MYO3A: variants seen among roughly 807,000 people sequenced by gnomAD.
MYO3A encodes myosin-IIIa.
MYO3A carries 180 observed loss-of-function variants against 192.7 expected under a neutral mutation model. The ratio of observed to expected loss-of-function variants is 0.93; its 90% CI spans 0.83 to 1.06. The LOEUF (loss-of-function observed/expected upper bound fraction) is 1.06, where lower values mean the gene tolerates loss of function less well. Ranked by LOEUF, MYO3A falls within the 50% of genes least tolerant of loss-of-function variation. The probability of loss-of-function intolerance (pLI) is 0.00; values close to 1 mark genes in which losing one functional copy is unlikely to be tolerated. For synonymous variants in MYO3A, 628 were observed against 645.3 expected (o/e 0.97, Z 0.41); for missense variants, 1,896 against 1,905.0 (o/e 1.00, Z 0.09).
At position 26,170,490 on chromosome 10, in the gene MYO3A, C is replaced by G. The variant is rs1170704139; in HGVS notation, c.3349C>G (p.Gln1117Glu). The change falls in exon 29 of 35, where the codon CAA (glutamine) becomes GAA (glutamate). Residue 1117 changes from glutamine to glutamate, a missense_variant. Transcript: ENST00000642920. ...GAAAAACACAGCAGTAACAACCATT[C>G]AAACTTCTGATCAGGAATTCGACTA... ...DMKNTAVTTI[Q>E]TSDQEFDYKK... 6.2e-7 allele frequency: 1 copy of G among 1,613,044 alleles called. No homozygotes were observed. The highest frequency in any genetic ancestry group is 1.3e-5 in the African/African-American group (1 of 74,888).
chr10:26,135,190 A>G (rs1839775073), intron 20 of MYO3A, among the ~76,000 whole-genome samples: 1 of 152,172 alleles, frequency 6.6e-6, no homozygotes, highest in South Asian at 2.1e-4. Context: ...TTTTCTCATG[A>G]ACAAACAAGT....
chr10:25,977,154 T>C (rs1225456099), intron 4 of MYO3A, among the ~76,000 whole-genome samples: 1 of 152,196 alleles, frequency 6.6e-6, no homozygotes, highest in Non-Finnish European at 1.5e-5. Flanking sequence ...GGAGGTTCTT[T>C]AGGAAGATTT....
intron 17 of MYO3A, among the ~76,000 whole-genome samples, chr10:26,101,217 A>ACC (rs1564549432): frequency 6.6e-6 from 1 of 151,988 alleles, no homozygotes; most frequent in African/African-American, 2.4e-5. Context: ...TAGGATTGCA[A>ACC]CCCCTGCATT....
chr10:26,155,347 G>A (rs756113497), intron 25 of MYO3A, among the ~76,000 whole-genome samples: 17 of 152,136 alleles, frequency 1.1e-4, no homozygotes, highest in Admixed American at 5.2e-4. Context: ...GGATCAAGGC[G>A]ACCTTCCTTC....
chr10:26,122,176 T>C (rs1241648627), intron 18 of MYO3A, among the ~76,000 whole-genome samples: 1 of 152,192 alleles, frequency 6.6e-6, no homozygotes, highest in Non-Finnish European at 1.5e-5. Context: ...GCAATAGAGA[T>C]AGGTTGTAGA....
chr10:25,969,955 A>G (rs1838513913), intron 4 of MYO3A, among the ~76,000 whole-genome samples: 1 of 152,152 alleles, frequency 6.6e-6, no homozygotes, highest in African/African-American at 2.4e-5. Flanking sequence ...CAGTATAATC[A>G]GAGACAGATG....
Position 26,212,388 on chromosome 10 carries a change from C to G in MYO3A, c.*425C>G, listed in dbSNP as rs1844268594. 6.1e-6 allele frequency: 2 copies of G among 328,216 alleles called. No individual in the cohort carries two copies. The highest frequency in any genetic ancestry group is 5.5e-6 in the Non-Finnish European group (1 of 182,746). The allele number at this position is 328,216 out of a possible 1,614,324, so 20.3% of individuals were successfully genotyped here. On this transcript the variant is annotated 3_prime_UTR_variant, in exon 35 of 35. Coordinates refer to ENST00000642920, the MANE Select transcript of MYO3A (RefSeq NM_017433.5). The stretch of plus-strand genomic sequence containing the variant: ...ATTGGAAACGGCTTTTCTTGGCCAA[C>G]AGAACACTTGCTAGCGGTTGAATCT...
chr10:26,037,744 C>T (rs975462750), intron 10 of MYO3A, among the ~76,000 whole-genome samples: 1 of 152,120 alleles, frequency 6.6e-6, no homozygotes, highest in African/African-American at 2.4e-5. Flanking sequence ...CTGGGGAGAC[C>T]TCAGGAGACT....
intron 4 of MYO3A, among the ~76,000 whole-genome samples, chr10:25,957,106 C>T (rs967965756): frequency 6.6e-6 from 1 of 152,164 alleles, no homozygotes. Flanking sequence ...GTATATGTAC[C>T]ACATTTTCTT....
At chr10:26,166,032 A>G in intron 26 of MYO3A, 35 bp from the exon 27 acceptor site, 1 of 1,552,780 alleles carries the variant, frequency 6.4e-7, no homozygotes, top group Non-Finnish European at 8.9e-7. Flanking sequence ...TTGGCACTTT[A>G]TGCAATACTA....
chr10:26,181,490 C>G (rs957047773), intron 31 of MYO3A, among the ~76,000 whole-genome samples: 1 of 152,020 alleles, frequency 6.6e-6, no homozygotes, highest in Non-Finnish European at 1.5e-5. Flanking sequence ...GTAGAAAGAG[C>G]TCTTTATAAA....
Position 26,068,521 on chromosome 10 carries a change from C to T in MYO3A, c.1054-247C>T, listed in dbSNP as rs12774889. ...TTATATATTTAAAATTCCTGTGACA[C>T]ATAATATGTCCTTTGGAAAATGCAG... On this transcript the variant is annotated intron_variant, in intron 11 of 34. Transcript: ENST00000642920. 0.47 allele frequency among the ~76,000 whole-genome samples: 72,121 copies of T among 151,854 alleles called. 17,919 individuals carry two copies. Among genetic ancestry groups the T allele is most frequent in the Middle Eastern group, 0.59 (173 of 294 alleles).
At chr10:26,186,846 C>G (rs561970779) in intron 31 of MYO3A, among the ~76,000 whole-genome samples, 1 of 152,142 alleles carries the variant, frequency 6.6e-6, no homozygotes, top group South Asian at 2.1e-4. Flanking sequence ...TGTCTTTTGA[C>G]TTTGTTGCCA....
At chr10:26,089,665 G>A (rs1003009995) in intron 15 of MYO3A, among the ~76,000 whole-genome samples, 10 of 151,706 alleles carry the variant, frequency 6.6e-5, no homozygotes, top group East Asian at 1.9e-4. Flanking sequence ...GTACCACACC[G>A]TTTTAATCCA....
chr10:26,043,423 G>A (rs1268724078), intron 10 of MYO3A, among the ~76,000 whole-genome samples: 1 of 152,098 alleles, frequency 6.6e-6, no homozygotes, highest in African/African-American at 2.4e-5. Flanking sequence ...CTCAGGCCCT[G>A]GGTAGGTCCA....
chr10:26,209,337 A>G (rs891540670), intron 34 of MYO3A, among the ~76,000 whole-genome samples: 6 of 152,192 alleles, frequency 3.9e-5, no homozygotes, highest in Non-Finnish European at 8.8e-5. Flanking sequence ...ATTTCTGGCA[A>G]TTAGTGAACA....
At chr10:26,025,283 C>T (rs137890317) in intron 9 of MYO3A, among the ~76,000 whole-genome samples, 507 of 151,946 alleles carry the variant, frequency 3.3e-3, no homozygotes, top group Non-Finnish European at 6.5e-3. Context: ...TTAGAAATGG[C>T]GCTACTCAAG....
At chr10:25,991,947 T>A (rs1840060993) in intron 4 of MYO3A, among the ~76,000 whole-genome samples, 1 of 152,244 alleles carries the variant, frequency 6.6e-6, no homozygotes, top group Admixed American at 6.5e-5. Flanking sequence ...TCAGGTAGCG[T>A]GTTGCCTCCA....
intron 10 of MYO3A, among the ~76,000 whole-genome samples, chr10:26,036,573 T>C (rs770757144): frequency 6.6e-6 from 1 of 152,176 alleles, no homozygotes; most frequent in African/African-American, 2.4e-5. Flanking sequence ...ACTCTCAGAC[T>C]TTTTTTAGCC....
Sources: gnomAD v4.1 joint callset for allele counts (sites outside exome capture counted in the v4.1 genomes callset) on GRCh38, gnomAD v4.1.1 for gene constraint, MANE v1.5 for transcripts, NCBI Gene and HGNC (gene_info 2026-07-23, HGNC 2026-07-21) for gene names.